CFAP74: variants seen among roughly 807,000 people sequenced by gnomAD.
The protein encoded by CFAP74 is cilia- and flagella-associated protein 74.
In CFAP74, 124 loss-of-function variants were observed where a neutral mutation model predicts 188.9. The ratio of observed to expected loss-of-function variants is 0.66; its 90% confidence interval spans 0.57 to 0.76. The LOEUF is 0.76. Among genes scored for constraint, CFAP74 ranks in the 30% least tolerant of loss-of-function variants. The pLI is 0.00. For synonymous variants in CFAP74, 956 were observed against 916.7 expected, an observed-to-expected ratio of 1.04 and a Z score of -0.77; for missense variants, 2,198 against 2,165.2, an observed-to-expected ratio of 1.02 and a Z score of -0.30.
At chr1:1,976,848 C>A (rs1451765334) in intron 6 of CFAP74, among the ~76,000 whole-genome samples, 1 of 137,060 alleles carries the variant, frequency 7.3e-6, no homozygotes, top group Non-Finnish European at 1.6e-5. Context: ...TGGCCCAAAC[C>A]TCTTTTCTTT....
chr1:1,923,100 C>G lies in CFAP74; in HGVS notation c.4568G>C (p.Arg1523Thr). 1 of 1,608,588 alleles carries G rather than the reference C, an allele frequency of 6.2e-7. No individual in the cohort carries two copies. The highest frequency in any genetic ancestry group is 8.5e-7 in the Non-Finnish European group (1 of 1,178,746). Residue 1523 changes from arginine (R) to threonine (T), a missense_variant, in exon 37 of 39, where the codon AGG becomes ACG. Transcript: ENST00000682832. The surrounding 1 kb of genome is among the most constrained non-coding windows in gnomAD (Gnocchi z 6.3). ...GPLSPEAEELRPILVTLDYIQ... is the reference protein window; with the variant it reads ...GPLSPEAEELTPILVTLDYIQ... ...GTAGTCCAGGGTCACCAGGATGGGCCTCAGCTCCTCAGCTTCTGGAGAGAG... is the reference window on the plus strand; with the variant it reads ...GTAGTCCAGGGTCACCAGGATGGGCGTCAGCTCCTCAGCTTCTGGAGAGAG...
intron 5 of CFAP74, among the ~76,000 whole-genome samples, chr1:1,985,856 C>G (rs1367473574): frequency 6.6e-6 from 1 of 152,268 alleles, no homozygotes; most frequent in Non-Finnish European, 1.5e-5. Context: ...CCCCTCCCTC[C>G]CTCCTGTTCC....
chr1:1,948,203 C>T (rs533280289), intron 18 of CFAP74, among the ~76,000 whole-genome samples: 2 of 152,142 alleles, frequency 1.3e-5, no homozygotes, highest in South Asian at 2.1e-4. Flanking sequence ...GGAAGGGGTG[C>T]GGCTGCCTCA....
In CFAP74 at chr1:1,940,394, G is replaced by A. The variant is rs1418363843; in HGVS notation, c.2625C>T (p.Leu875=). The A allele has an allele frequency of 6.5e-7, 1 of 1,529,994 alleles. No homozygotes were observed. The allele number at this position is 1,529,994 out of a possible 1,614,324, so 94.8% of individuals were successfully genotyped here. The change falls in exon 23 of 39, where the codon CTC becomes CTT. Residue 875 remains leucine (L), a synonymous_variant. Transcript: ENST00000682832. ...VQLKFLPRHS[L]PEDAGRYFDK... Reference sequence around the variant, plus strand: ...CAAAATACCTCCCTGCGTCCTCCGGGAGGGAGTGTCTGAAAGAGGCAGACA... The same window carrying A: ...CAAAATACCTCCCTGCGTCCTCCGGAAGGGAGTGTCTGAAAGAGGCAGACA...
At chr1:1,928,045 C>T (rs1020063285) in intron 27 of CFAP74, 48 of 433,662 alleles carry the variant, frequency 1.1e-4, no homozygotes, top group Middle Eastern at 7.1e-4. Context: ...CTATCTTCAC[C>T]GCGGAAGGCC....
At position 1,976,454 on chromosome 1, in the gene CFAP74, C is replaced by T. The variant is rs141367142; in HGVS notation, c.501-2256G>A. 8.4e-3 allele frequency among the ~76,000 whole-genome samples: 1,277 copies of T among 152,276 alleles called. 12 individuals are homozygous for T. Among genetic ancestry groups the T allele is most frequent in the African/African-American group, 0.029 (1,225 of 41,542 alleles). Reference sequence around the variant, plus strand: ...CCCCTTCCACTGTGATTGGAGGCTTCCAGAGGCTTCCCGAGGCGCCCCGAG... The same window carrying T: ...CCCCTTCCACTGTGATTGGAGGCTTTCAGAGGCTTCCCGAGGCGCCCCGAG... On this transcript the variant is annotated intron_variant, in intron 6 of 38. Coordinates refer to ENST00000682832, the MANE Select transcript of CFAP74 (RefSeq NM_001304360.2).
In CFAP74 at chr1:1,938,898, C is replaced by T. The variant is rs371577557; in HGVS notation, c.2968G>A (p.Glu990Lys). 525 of 1,536,180 alleles carry T rather than the reference C, an allele frequency of 3.4e-4. No individual in the cohort carries two copies. In the African/African-American group the frequency reaches 5.7e-3, roughly 17 times the overall value. ...FCVIFQPTKA[E>K]EHRFQLTCKS... ...CAGGTCAGTTGGAATCTGTGTTCCT[C>T]GGCCTTGGTGGGCTGGAAGATCACA... The change falls in exon 25 of 39, where the codon GAG (glutamate) becomes AAG (lysine). Residue 990 changes from glutamate to lysine, a missense_variant. By Grantham distance (56) the Glu-to-Lys change is moderately conservative (BLOSUM62 1). Transcript: ENST00000682832.
chr1:1,974,058 C>T lies in CFAP74; in HGVS notation c.641G>A (p.Gly214Glu), dbSNP rs1291104551. Residue 214 changes from glycine (G) to glutamate (E), a missense_variant, in exon 7 of 39, where the codon GGG becomes GAG. Gly to Glu is a moderately conservative substitution (Grantham distance 98). Coordinates refer to ENST00000682832, the MANE Select transcript of CFAP74 (RefSeq NM_001304360.2). Reference sequence around the variant, plus strand: ...CAGCAGTCGGTTCCGCTCCACCTTCCCCAGGGCCTCCTGCTCTCTGCAGAG... The same window carrying T: ...CAGCAGTCGGTTCCGCTCCACCTTCTCCAGGGCCTCCTGCTCTCTGCAGAG... ...EQLCREQEALGKVERNRLLRI... is the reference protein window; with the variant it reads ...EQLCREQEALEKVERNRLLRI... 6.2e-7 allele frequency: 1 copy of T among 1,600,808 alleles called. No homozygotes were observed. The highest frequency in any genetic ancestry group is 8.5e-7 in the Non-Finnish European group (1 of 1,171,520).
At chr1:1,972,174 A>G (rs1656131394) in intron 8 of CFAP74, 92 bp from the exon 9 acceptor site, 3 of 930,218 alleles carry the variant, frequency 3.2e-6, no homozygotes, top group Admixed American at 3.6e-5. Flanking sequence ...TCGACCTCCC[A>G]GGCTCAAGTG....
chr1:1,955,255 C>G (rs550976296), intron 18 of CFAP74: 11 of 1,292,284 alleles, frequency 8.5e-6, no homozygotes, highest in Middle Eastern at 2.6e-4. Context: ...CCGATGGCGG[C>G]GGGCTGCAGG....
At chr1:1,953,438 G>A (rs1654325309) in intron 18 of CFAP74, 2 of 152,136 alleles carry the variant, frequency 1.3e-5, no homozygotes, top group Admixed American at 6.6e-5. Context: ...TGGGATTACA[G>A]GCGCCCGCCA....
At chr1:1,925,457 T>G in intron 33 of CFAP74, among the ~76,000 whole-genome samples, 1 of 132,340 alleles carries the variant, frequency 7.6e-6, no homozygotes. Flanking sequence ...TCCAAAGGAG[T>G]GAGTTCAAGC....
intron 1 of CFAP74, among the ~76,000 whole-genome samples, chr1:1,996,391 G>A (rs1657913612): frequency 6.6e-6 from 1 of 152,156 alleles, no homozygotes; most frequent in African/African-American, 2.4e-5. Flanking sequence ...GAGTTGTCTA[G>A]AAACAGACAA....
intron 13 of CFAP74, among the ~76,000 whole-genome samples, 190 bp from the exon 14 acceptor site, chr1:1,964,057 G>T (rs978948291): frequency 2.6e-5 from 4 of 152,226 alleles, no homozygotes; most frequent in Non-Finnish European, 2.9e-5. Context: ...CAGGTCTGGG[G>T]GTGGAACCTG....
chr1:1,967,748 C>T (rs940005029), intron 11 of CFAP74, among the ~76,000 whole-genome samples: 2 of 152,174 alleles, frequency 1.3e-5, no homozygotes, highest in African/African-American at 2.4e-5. Context: ...GCAGAGACTG[C>T]AGCACTGTGC....
In CFAP74 at chr1:1,923,516, G is replaced by C. The variant is rs745314797; in HGVS notation, c.4390-17C>G. On this transcript the variant is annotated splice_polypyrimidine_tract_variant and intron_variant, in intron 35 of 38. Transcript: ENST00000682832. The surrounding 1 kb of genome is among the most constrained non-coding windows in gnomAD (Gnocchi z 6.3). ...GGAGATTTTCTGGGGACAAGAAGTG[G>C]AGTGGCCTTGTCCCCGAAGCTCGGC... 1.2e-6 allele frequency: 2 copies of C among 1,602,292 alleles called. No individual in the cohort carries two copies. The highest frequency in any genetic ancestry group is 4.5e-5 in the East Asian group (2 of 44,542).
intron 37 of CFAP74, 31 bp from the exon 38 acceptor site, chr1:1,922,754 G>A (rs563153385): frequency 1.8e-5 from 29 of 1,593,150 alleles, no homozygotes; most frequent in African/African-American, 1.2e-4. Flanking sequence ...GTAGGCTGGC[G>A]ACCAGGCACC....
rs767951086 is a variant in CFAP74 at position 1,988,593 on chromosome 1, G to A, written c.215C>T (p.Thr72Met). 2.3e-5 allele frequency: 37 copies of A among 1,613,054 alleles called. No individual in the cohort carries two copies. The highest frequency in any genetic ancestry group is 3.3e-4 in the Middle Eastern group (2 of 6,048). Residue 72 changes from threonine (T) to methionine (M), a missense_variant, in exon 4 of 39, where the codon ACG becomes ATG. Coordinates refer to ENST00000682832, the MANE Select transcript of CFAP74 (RefSeq NM_001304360.2). Reference protein sequence around the residue: ...KLKKKTAEDRTQAFHLRQNLS... With the variant: ...KLKKKTAEDRMQAFHLRQNLS... ...GTTCTGCCGCAGGTGAAATGCCTGC[G>A]TTCTGTCCTCAGCTGTTTTCTTCTT...
chr1:1,924,600 G>T (rs1651705670), intron 33 of CFAP74, 80 bp from the exon 34 acceptor site: 2 of 1,497,248 alleles, frequency 1.3e-6, no homozygotes, highest in African/African-American at 2.8e-5. Context: ...CCAGGACTTG[G>T]CTGGTGCTAT....
Sources: allele counts gnomAD v4.1 joint callset (sites outside exome capture counted in the v4.1 genomes callset), GRCh38; gene constraint gnomAD v4.1.1; non-coding constraint Gnocchi (gnomAD v3.1); transcripts MANE v1.5; gene names NCBI Gene and HGNC (gene_info 2026-07-23, HGNC 2026-07-21).